ATP2A1: variants seen among roughly 807,000 people sequenced by gnomAD.
ATP2A1 encodes the protein ATPase sarcoplasmic/endoplasmic reticulum Ca2+ transporting 1, also known as sarcoplasmic/endoplasmic reticulum calcium ATPase 1.
A neutral mutation model predicts 109.5 loss-of-function variants in ATP2A1; 83 were observed. The observed-to-expected ratio is 0.76, with a 90% CI of 0.63 to 0.91. The LOEUF is 0.91. Ranked by LOEUF, ATP2A1 falls within the 40% of genes least tolerant of loss-of-function variation. The pLI is 0.00. For missense variants in ATP2A1, 1,101 were observed against 1,341.0 expected, an observed-to-expected ratio of 0.82 and a Z score of 2.80; for synonymous variants, 505 against 537.6, an observed-to-expected ratio of 0.94 and a Z score of 0.84.
chr16:28,894,857 C>A lies in ATP2A1; in HGVS notation c.1323C>A (p.Thr441=). ...TCTATGAGAAGGTCGGCGAGGCCAC[C>A]GAGACAGCACTCACCACCCTGGTGG... ...KGVYEKVGEA[T]ETALTTLVEK... is the part of the protein sequence containing the mutation. The change falls in exon 12 of 23, where the codon ACC becomes ACA. Residue 441 remains threonine (T), a synonymous_variant. Transcript: ENST00000395503. The A allele has an allele frequency of 6.2e-7, 1 of 1,611,478 alleles. No homozygotes were observed.
chr16:28,898,076 C>A lies in ATP2A1; in HGVS notation c.1496C>A (p.Ser499Tyr). The part of the protein sequence containing the change: ...RDRKSMSVYC[S>Y]PAKSSRAAVG... ...AGAAAGTCCATGTCTGTCTATTGCT[C>A]CCCAGCCAAATCTTCCCGGGCTGCT... is the stretch of plus-strand genomic sequence containing the variant. The change falls in exon 13 of 23, where the codon TCC becomes TAC. Residue 499 changes from serine (S) to tyrosine (Y), a missense_variant. Coordinates refer to ENST00000395503, the MANE Select transcript of ATP2A1 (RefSeq NM_004320.6). The surrounding 1 kb of genome is among the most constrained non-coding windows in gnomAD (Gnocchi z 4.0). The A allele has an allele frequency of 6.2e-7, 1 of 1,614,132 alleles. No homozygotes were observed. Among genetic ancestry groups the A allele is most frequent in the Non-Finnish European group, 8.5e-7 (1 of 1,180,008 alleles).
intron 12 of ATP2A1, among the ~76,000 whole-genome samples, chr16:28,896,732 T>TC (rs948255940): frequency 6.6e-6 from 1 of 150,792 alleles, no homozygotes; most frequent in African/African-American, 2.4e-5. Flanking sequence ...TTTTTTTTTT[T>TC]TTGAGACAGA....
At position 28,900,569 on chromosome 16, in the gene ATP2A1, G is replaced by A. The variant is rs761827640; in HGVS notation, c.1765-12G>A. 1.3e-5 allele frequency: 20 copies of A among 1,550,062 alleles called. No homozygotes were observed. In the South Asian group the frequency reaches 2.3e-4, roughly 18 times the overall value. On this transcript the variant is annotated splice_polypyrimidine_tract_variant and intron_variant, in intron 14 of 22. Coordinates refer to ENST00000395503, the MANE Select transcript of ATP2A1 (RefSeq NM_004320.6). The stretch of plus-strand genomic sequence containing the variant: ...CCCACCTGACCTGTGGCTCTCTGCT[G>A]TATCTCCCCAGACGGACCTGACATT...
At chr16:28,891,576 C>G (rs1383492396) in intron 9 of ATP2A1, among the ~76,000 whole-genome samples, 1 of 101,946 alleles carries the variant, frequency 9.8e-6, no homozygotes, top group African/African-American at 4.2e-5. Context: ...GGCGACAGAG[C>G]GAGACTCCGT....
chr16:28,902,811 C>T lies in ATP2A1; in HGVS notation c.2644C>T (p.His882Tyr), dbSNP rs756859416. The T allele has an allele frequency of 4.3e-6, 7 of 1,613,912 alleles. No homozygotes were observed. Among genetic ancestry groups the T allele is most frequent in the African/African-American group, 4.0e-5 (3 of 74,892 alleles). ...CATGCAGTGCACCGAGGACAACACCCACTTTGAGGGCATAGACTGTGAGGT... is the reference window on the plus strand; with the variant it reads ...CATGCAGTGCACCGAGGACAACACCTACTTTGAGGGCATAGACTGTGAGGT... ...HFMQCTEDNTHFEGIDCEVFE... is the reference protein window; with the variant it reads ...HFMQCTEDNTYFEGIDCEVFE... The change falls in exon 19 of 23, where the codon CAC (histidine) becomes TAC (tyrosine). Residue 882 changes from histidine to tyrosine, a missense_variant. Physicochemically the swap from His to Tyr is moderately conservative, Grantham distance 83 (BLOSUM62 2). Transcript: ENST00000395503. This position sits in a 1 kb window ranked among gnomAD's most constrained non-coding sequence, Gnocchi z 4.8.
intron 12 of ATP2A1, among the ~76,000 whole-genome samples, chr16:28,897,152 T>A (rs1179769308): frequency 6.6e-6 from 1 of 152,120 alleles, no homozygotes; most frequent in Non-Finnish European, 1.5e-5. Flanking sequence ...CAGCAATTGC[T>A]CAGTTGCACC....
At chr16:28,879,145 T>A in intron 2 of ATP2A1, 29 bp downstream of exon 2, 3 of 1,613,788 alleles carry the variant, frequency 1.9e-6, no homozygotes, top group Non-Finnish European at 2.5e-6. Context: ...TGAACTCTCA[T>A]AAATGACCAC....
chr16:28,897,220 G>A (rs1182847025), intron 12 of ATP2A1, among the ~76,000 whole-genome samples: 2 of 152,152 alleles, frequency 1.3e-5, no homozygotes, highest in African/African-American at 2.4e-5. Context: ...ATAGGGCCAG[G>A]TGTGGTGGTT....
intron 6 of ATP2A1, among the ~76,000 whole-genome samples, chr16:28,886,899 G>A (rs927537883): frequency 6.6e-6 from 1 of 151,370 alleles, no homozygotes; most frequent in Non-Finnish European, 1.5e-5. Flanking sequence ...TTGGGAGGCT[G>A]AGGCAGGAGT....
chr16:28,879,293 C>A, intron 2 of ATP2A1, 177 bp downstream of exon 2: 1 of 923,380 alleles, frequency 1.1e-6, no homozygotes. Flanking sequence ...GCGCTTTCTC[C>A]TTGAAGCAGC....
In ATP2A1 at chr16:28,893,655, GTTTT is replaced by G. The variant is rs11304796; in HGVS notation, c.1096-486_1096-483del. 1.1e-3 allele frequency among the ~76,000 whole-genome samples: 118 copies of G among 111,988 alleles called. 1 individual carries two copies. The highest frequency in any genetic ancestry group is 3.9e-3 in the African/African-American group (108 of 27,636). The allele number at this position is 111,988 out of a possible 152,430, so 73.5% of individuals were successfully genotyped here. ...GTCACTCGTTTGTGGGTTTTTTTTT[GTTTT>G]TTTTTTTTTTTTTGAGTTTGGCTCT... is the stretch of plus-strand genomic sequence containing the variant. On this transcript the variant is annotated intron_variant, in intron 9 of 22. Coordinates refer to ENST00000395503, the MANE Select transcript of ATP2A1 (RefSeq NM_004320.6).
chr16:28,888,047 C>T (rs552228551), intron 8 of ATP2A1, among the ~76,000 whole-genome samples: 8 of 152,112 alleles, frequency 5.3e-5, no homozygotes, highest in Non-Finnish European at 8.8e-5. Flanking sequence ...CTGATCTGCC[C>T]GCCTTGGCCT....
intron 8 of ATP2A1, among the ~76,000 whole-genome samples, chr16:28,888,022 C>T (rs1012017706): frequency 6.6e-6 from 1 of 151,982 alleles, no homozygotes; most frequent in Non-Finnish European, 1.5e-5. Context: ...AGGATGGTCT[C>T]GATCTCCTGA....
chr16:28,884,702 G>A lies in ATP2A1; in HGVS notation c.544+47G>A, dbSNP rs766177359. 29 of 1,539,794 alleles carry A rather than the reference G, an allele frequency of 1.9e-5. No individual in the cohort carries two copies. The South Asian group carries it at 3.2e-4, about 17-fold the overall frequency. On this transcript the variant is annotated intron_variant, in intron 6 of 22. Coordinates refer to ENST00000395503, the MANE Select transcript of ATP2A1 (RefSeq NM_004320.6). ...GATGCATGGGGGTGGGACGTGGGGA[G>A]GAAGAGGCAACAAGGGGGAGGTGAG...
Position 28,902,795 on chromosome 16 carries a change from C to A in ATP2A1, c.2628C>A (p.Cys876Ter). 1.9e-6 allele frequency: 3 copies of A among 1,613,902 alleles called. No individual in the cohort carries two copies. Among genetic ancestry groups the A allele is most frequent in the Non-Finnish European group, 2.5e-6 (3 of 1,179,938 alleles). The stretch of plus-strand genomic sequence containing the variant: ...CCCTGCAGACTCACTTCATGCAGTG[C>A]ACCGAGGACAACACCCACTTTGAGG... ...NYSQLTHFMQ[C>*]TEDNTHFEGI... is the part of the protein sequence containing the mutation. The change falls in exon 19 of 23, where the codon TGC becomes TGA. Residue 876 changes from cysteine to a stop codon, truncating the protein, a stop_gained. Transcript: ENST00000395503. LOFTEE classifies it high-confidence loss of function. This position sits in a 1 kb window ranked among gnomAD's most constrained non-coding sequence, Gnocchi z 4.8.
intron 12 of ATP2A1, 120 bp downstream of exon 12, chr16:28,895,073 C>A: frequency 7.0e-7 from 1 of 1,423,330 alleles, no homozygotes; most frequent in Non-Finnish European, 9.7e-7. Context: ...ACCCAGGCAG[C>A]AGACAGCCCC....
intron 3 of ATP2A1, chr16:28,879,827 C>G (rs1417253925): frequency 1.6e-6 from 1 of 632,384 alleles, no homozygotes; most frequent in Non-Finnish European, 2.6e-6. Flanking sequence ...GCTAAGCCAC[C>G]CTCGCGGCTT....
At chr16:28,879,254 G>T in intron 2 of ATP2A1, 138 bp downstream of exon 2, 1 of 1,194,228 alleles carries the variant, frequency 8.4e-7, no homozygotes, top group South Asian at 1.2e-5. Context: ...CTAAAGGTTA[G>T]AGTCCTGTCC....
intron 3 of ATP2A1, 54 bp downstream of exon 3, chr16:28,879,637 G>A: frequency 6.4e-7 from 1 of 1,560,670 alleles, no homozygotes; most frequent in Non-Finnish European, 8.8e-7. Flanking sequence ...CTGGGATCGG[G>A]CGAATGCGGG....
Sources: allele counts gnomAD v4.1 joint callset (sites outside exome capture counted in the v4.1 genomes callset), GRCh38; gene constraint gnomAD v4.1.1; non-coding constraint Gnocchi (gnomAD v3.1); transcripts MANE v1.5; gene names NCBI Gene and HGNC (gene_info 2026-07-23, HGNC 2026-07-21).